Variants in CCDC88C observed in about 807,000 individuals in gnomAD.
CCDC88C encodes protein Daple.
CCDC88C carries 131 observed loss-of-function variants against 198.8 expected under a neutral mutation model. The observed-to-expected ratio is 0.66, with a 90% CI of 0.57 to 0.76. CCDC88C has a LOEUF of 0.76. Ranked by LOEUF, CCDC88C falls within the 30% of genes least tolerant of loss-of-function variation. The probability of loss-of-function intolerance (pLI) is 0.00; values close to 1 mark genes in which losing one functional copy is unlikely to be tolerated. For missense variants in CCDC88C, 2,553 were observed against 2,631.6 expected, an observed-to-expected ratio of 0.97 and a Z score of 0.65; for synonymous variants, 1,166 against 1,114.7, an observed-to-expected ratio of 1.05 and a Z score of -0.92.
intron 3 of CCDC88C, among the ~76,000 whole-genome samples, chr14:91,376,992 GC>G (rs947293270): frequency 1.2e-4 from 8 of 66,824 alleles, no homozygotes; most frequent in African/African-American, 4.6e-4. Flanking sequence ...CTGCCTGCCC[GC>G]CCCCCCTCCC....
At chr14:91,384,493 CCTT>C in intron 3 of CCDC88C, 2 of 524,398 alleles carry the variant, frequency 3.8e-6, no homozygotes, top group Non-Finnish European at 3.9e-6. Context: ...CTCATCTCCT[CCTT>C]CTTCCCCTTC....
In CCDC88C at chr14:91,360,537, G is replaced by T. The variant is rs1894264228; in HGVS notation, c.271-826C>A. Among the ~76,000 whole-genome samples, 4 of 152,222 alleles carry T rather than the reference G, an allele frequency of 2.6e-5. 1 individual carries two copies. In the South Asian group the frequency reaches 6.2e-4, roughly 24 times the overall value. On this transcript the variant is annotated intron_variant, in intron 3 of 29. Transcript: ENST00000389857. ...TGGTTCAGGATCCAGCACTAAGCAG[G>T]TCTTTGGTACAAGTTATAAATGAGG... is the stretch of plus-strand genomic sequence containing the variant.
chr14:91,344,825 C>T (rs1188450249), intron 4 of CCDC88C, among the ~76,000 whole-genome samples: 12 of 150,788 alleles, frequency 8.0e-5, no homozygotes, highest in Non-Finnish European at 1.5e-4. Context: ...GATACAGGTT[C>T]CCACTCTATT....
chr14:91,360,015 T>C (rs186792038), intron 3 of CCDC88C, among the ~76,000 whole-genome samples: 58 of 152,322 alleles, frequency 3.8e-4, no homozygotes, highest in East Asian at 1.9e-4. Flanking sequence ...TATGTCTGCA[T>C]AGGTAGAGAG....
chr14:91,309,942 C>A lies in CCDC88C; in HGVS notation c.2781G>T (p.Glu927Asp), dbSNP rs765080975. Residue 927 changes from glutamate (E) to aspartate (D), a missense_variant, in exon 16 of 30, where the codon GAG becomes GAT. By Grantham distance (45) the Glu-to-Asp change is conservative. This residue lies in a region of CCDC88C where 1,260 missense variants were observed against 1,412.0 expected (regional missense o/e 0.89). Transcript: ENST00000389857. The stretch of plus-strand genomic sequence containing the variant: ...CCAGTTCCTGGCTCAGCTTGTCCAG[C>A]TCACTGCTGAGCTGCTGGCTCTTCA... Reference protein sequence around the residue: ...EKLKSQQLSSELDKLSQELEK... With the variant: ...EKLKSQQLSSDLDKLSQELEK... 6.2e-7 allele frequency: 1 copy of A among 1,606,284 alleles called. No homozygotes were observed. Among genetic ancestry groups the A allele is most frequent in the Non-Finnish European group, 8.5e-7 (1 of 1,176,510 alleles).
chr14:91,375,766 C>A (rs8012465), intron 3 of CCDC88C, among the ~76,000 whole-genome samples: 2 of 152,216 alleles, frequency 1.3e-5, no homozygotes, highest in African/African-American at 4.8e-5. Flanking sequence ...CAACCCTGTC[C>A]GTGCCCGGAG....
chr14:91,279,552 C>T (rs1175527045), intron 27 of CCDC88C: 2 of 370,820 alleles, frequency 5.4e-6, no homozygotes, highest in East Asian at 8.9e-5. Flanking sequence ...ATTTATGAGG[C>T]CTGGGGCTGC....
Position 91,303,682 on chromosome 14 carries a change from T to G in CCDC88C, c.3635+19A>C. On this transcript the variant is annotated intron_variant, in intron 20 of 29. Coordinates refer to ENST00000389857, the MANE Select transcript of CCDC88C (RefSeq NM_001080414.4). ...GGACTCTACCCCTCCCCAGATCCCCTTCCTTCCCCAGGCCCTACCTCTCCC... is the reference window on the plus strand; with the variant it reads ...GGACTCTACCCCTCCCCAGATCCCCGTCCTTCCCCAGGCCCTACCTCTCCC... The G allele has an allele frequency of 7.1e-7, 1 of 1,416,590 alleles. No homozygotes were observed. The highest frequency in any genetic ancestry group is 9.4e-7 in the Non-Finnish European group (1 of 1,061,788). 87.8% of individuals were successfully genotyped at this position (1,416,590 alleles called of 1,614,324 possible).
chr14:91,297,475 G>A lies in CCDC88C; in HGVS notation c.3796C>T (p.His1266Tyr). ...TCCTCGTACTCCCCCTTCAGCTGGT[G>A]GTGCAGGAAATTGACCCTGGAGGAG... is the stretch of plus-strand genomic sequence containing the variant. ...GELDRVNFLH[H>Y]QLKGEYEELH... The change falls in exon 22 of 30, where the codon CAC becomes TAC. Residue 1266 changes from histidine (H) to tyrosine (Y), a missense_variant. Around this residue, in one of 2 missense-constraint regions of CCDC88C, gnomAD observed 1,293 missense variants for 1,219.6 expected, o/e 1.06. Transcript: ENST00000389857. The A allele has an allele frequency of 6.4e-7, 1 of 1,559,370 alleles. No homozygotes were observed. Among genetic ancestry groups the A allele is most frequent in the South Asian group, 1.2e-5 (1 of 84,642 alleles).
chr14:91,307,115 C>T lies in CCDC88C; in HGVS notation c.3118G>A (p.Ala1040Thr). ...GCTTCCTTATGGCCGGGCCCCCAGG[C>T]CTCCTTCCCCTGGTGACTGGCGGCT... is the stretch of plus-strand genomic sequence containing the variant. ...KTAASHQGKEAWGPGHKEATM... is the reference protein window; with the variant it reads ...KTAASHQGKETWGPGHKEATM... Residue 1040 changes from alanine (A) to threonine (T), a missense_variant, in exon 18 of 30, where the codon GCC becomes ACC. Around this residue, in one of 2 missense-constraint regions of CCDC88C, gnomAD observed 1,260 missense variants for 1,412.0 expected, o/e 0.89. Transcript: ENST00000389857. The T allele has an allele frequency of 6.2e-7, 1 of 1,613,884 alleles. No individual in the cohort carries two copies. Among genetic ancestry groups the T allele is most frequent in the Non-Finnish European group, 8.5e-7 (1 of 1,179,802 alleles).
At position 91,397,008 on chromosome 14, in the gene CCDC88C, CA is replaced by C. The variant is rs913365128; in HGVS notation, c.270+11650del. On this transcript the variant is annotated intron_variant, in intron 3 of 29. Transcript: ENST00000389857. Reference sequence around the variant, plus strand: ...GCTACACAGAGCAAGACCCTGTCACCAAAAAAAAAAGAAAGAAAGAAAAAAA... The same window carrying C: ...GCTACACAGAGCAAGACCCTGTCACCAAAAAAAAAGAAAGAAAGAAAAAAA... Among the ~76,000 whole-genome samples the C allele has an allele frequency of 7.2e-3, 998 of 139,478 alleles. 10 individuals are homozygous for C. The highest frequency in any genetic ancestry group is 0.023 in the African/African-American group (858 of 37,854). 91.5% of individuals were successfully genotyped at this position (139,478 alleles called of 152,430 possible).
chr14:91,413,741 C>T (rs1385281531), intron 2 of CCDC88C, among the ~76,000 whole-genome samples: 3 of 152,308 alleles, frequency 2.0e-5, no homozygotes, highest in Non-Finnish European at 2.9e-5. Context: ...CAGCCTTCTC[C>T]GGTTGCCGGA....
intron 13 of CCDC88C, 53 bp from the exon 14 acceptor site, chr14:91,315,840 C>T: frequency 6.3e-7 from 1 of 1,576,816 alleles, no homozygotes; most frequent in Non-Finnish European, 8.6e-7. Flanking sequence ...ACGAAGTGAA[C>T]CATGATTTAA....
intron 2 of CCDC88C, among the ~76,000 whole-genome samples, chr14:91,413,223 C>T (rs981278904): frequency 6.6e-6 from 1 of 152,200 alleles, no homozygotes. Context: ...GTACGTATGT[C>T]CACACACAAA....
At chr14:91,370,577 C>T (rs982634552) in intron 3 of CCDC88C, among the ~76,000 whole-genome samples, 11 of 152,206 alleles carry the variant, frequency 7.2e-5, no homozygotes, top group Admixed American at 1.3e-4. Flanking sequence ...GGGCAGGACA[C>T]GGCATTCGAC....
intron 3 of CCDC88C, among the ~76,000 whole-genome samples, chr14:91,386,337 T>TG (rs1328446421): frequency 6.7e-6 from 1 of 148,328 alleles, no homozygotes; most frequent in African/African-American, 2.5e-5. Flanking sequence ...GGTGGGTGCC[T>TG]GTAATCCCAG....
rs7144162 is a variant in CCDC88C at position 91,322,068 on chromosome 14, A to G, written c.1343-764T>C. On this transcript the variant is annotated intron_variant, in intron 12 of 29. Coordinates refer to ENST00000389857, the MANE Select transcript of CCDC88C (RefSeq NM_001080414.4). ...GTCATGGGGTTGTTTTGGGGAGGGG[A>G]AAAAAAAAGGTATGCAAAAGCCCTC... 3.8e-3 allele frequency among the ~76,000 whole-genome samples: 578 copies of G among 150,360 alleles called. 7 individuals carry two copies. The highest frequency in any genetic ancestry group is 0.013 in the African/African-American group (547 of 40,560).
At chr14:91,293,595 A>ACAGC (rs1567056054) in intron 23 of CCDC88C, among the ~76,000 whole-genome samples, 15 of 135,012 alleles carry the variant, frequency 1.1e-4, no homozygotes, top group Admixed American at 1.5e-4. Flanking sequence ...CTCGCCTGCC[A>ACAGC]TGGCCCACCT....
intron 14 of CCDC88C, among the ~76,000 whole-genome samples, chr14:91,315,220 A>G (rs1276350122): frequency 1.3e-5 from 2 of 152,172 alleles, no homozygotes; most frequent in Admixed American, 1.3e-4. Context: ...GGCATCCCTG[A>G]GCCACTACAT....
Sources: allele counts gnomAD v4.1 joint callset (sites outside exome capture counted in the v4.1 genomes callset), GRCh38; gene constraint gnomAD v4.1.1; regional missense constraint gnomAD v4.1.1; transcripts MANE v1.5; gene names NCBI Gene and HGNC (gene_info 2026-07-23, HGNC 2026-07-21).